Variants in ERC1 observed in about 807,000 individuals in gnomAD.
ERC1 encodes ELKS/RAB6-interacting/CAST family member 1, also known as RAB6 interacting protein 2.
A neutral mutation model predicts 132.0 loss-of-function variants in ERC1; 56 were observed. The observed-to-expected ratio is 0.42, with a 90% CI of 0.34 to 0.53. ERC1 has a LOEUF of 0.53. ERC1 is among the 20% of genes least tolerant of loss of function. The pLI is 0.03. For missense variants in ERC1, 1,202 were observed against 1,349.9 expected (o/e 0.89, Z 1.72); for synonymous variants, 478 against 476.1 (o/e 1.00, Z -0.05).
intron 12 of ERC1, among the ~76,000 whole-genome samples, chr12:1,197,826 G>A (rs1479008473): frequency 1.3e-5 from 2 of 152,212 alleles, no homozygotes; most frequent in Non-Finnish European, 2.9e-5. Flanking sequence ...ACATACCACA[G>A]AGGCTGGTCA....
intron 14 of ERC1, among the ~76,000 whole-genome samples, chr12:1,263,839 G>T (rs560653090): frequency 1.5e-4 from 23 of 152,112 alleles, no homozygotes; most frequent in Middle Eastern, 3.4e-3. Flanking sequence ...ACAGGTGCCT[G>T]CCAGCACGCC....
At chr12:1,409,162 G>A (rs2091695378) in intron 17 of ERC1, among the ~76,000 whole-genome samples, 1 of 152,234 alleles carries the variant, frequency 6.6e-6, no homozygotes, top group African/African-American at 2.4e-5. Flanking sequence ...AGATTCGGAA[G>A]GTATAGTCCT....
At chr12:1,304,992 G>A (rs111804105) in intron 15 of ERC1, among the ~76,000 whole-genome samples, 2,884 of 151,588 alleles carry the variant, frequency 0.019, 91 homozygotes, top group African/African-American at 0.067. Flanking sequence ...GTTTCACCGT[G>A]TTGGCCAGGA....
intron 15 of ERC1, among the ~76,000 whole-genome samples, chr12:1,313,107 C>T (rs1020755256): frequency 1.3e-5 from 2 of 152,100 alleles, no homozygotes; most frequent in African/African-American, 4.8e-5. Flanking sequence ...GTTCTGGGCT[C>T]TTTCTTTTCC....
At position 1,351,697 on chromosome 12, in the gene ERC1, C is replaced by T. The variant is rs150692616; in HGVS notation, c.2781-20136C>T. On this transcript the variant is annotated intron_variant, in intron 15 of 18. Coordinates refer to ENST00000360905, the MANE Select transcript of ERC1 (RefSeq NM_178040.4). ...TAATATTTTCAATTTTTAATTGATACAACATAATTGTACATATTTATGGGG... is the reference window on the plus strand; with the variant it reads ...TAATATTTTCAATTTTTAATTGATATAACATAATTGTACATATTTATGGGG... Among the ~76,000 whole-genome samples the T allele has an allele frequency of 6.8e-3, 1,041 of 152,002 alleles. 5 individuals are homozygous for T. Among genetic ancestry groups the T allele is most frequent in the African/African-American group, 0.022 (904 of 41,442 alleles).
chr12:1,051,874 C>T (rs28391313), intron 2 of ERC1, among the ~76,000 whole-genome samples: 48 of 59,594 alleles, frequency 8.1e-4, no homozygotes, highest in Admixed American at 3.8e-3. Flanking sequence ...TGATGAATAG[C>T]GTGAATTAAT....
chr12:1,063,023 C>T (rs140013684), intron 2 of ERC1, among the ~76,000 whole-genome samples: 14 of 152,200 alleles, frequency 9.2e-5, no homozygotes, highest in East Asian at 1.9e-4. Flanking sequence ...CTCCTTCATG[C>T]GTCTGGTTTC....
intron 14 of ERC1, among the ~76,000 whole-genome samples, chr12:1,288,196 A>T (rs2079166143): frequency 6.6e-6 from 1 of 152,264 alleles, no homozygotes; most frequent in African/African-American, 2.4e-5. Context: ...ATAAAATGGA[A>T]TCAATGGTAT....
rs11613546 is a variant in ERC1 at position 1,480,847 on chromosome 12, C to T, written c.3214-9246C>T. 0.3 allele frequency: 211,487 copies of T among 701,480 alleles called. 33,186 individuals carry two copies. Among genetic ancestry groups the T allele is most frequent in the African/African-American group, 0.38 (21,441 of 57,132 alleles). 43.5% of individuals were successfully genotyped at this position (701,480 alleles called of 1,614,324 possible). A position where few individuals can be genotyped will look rare whatever the true frequency, so the allele number is the denominator to read the frequency against. On this transcript the variant is annotated intron_variant, in intron 18 of 18. Transcript: ENST00000360905. ...TCTTTCCCAACTTATCCACAGAATC[C>T]GTTGCATCCCAAAGCCATGGAAAAA...
At chr12:1,102,183 A>G (rs1182956346) in intron 3 of ERC1, among the ~76,000 whole-genome samples, 1 of 152,140 alleles carries the variant, frequency 6.6e-6, no homozygotes, top group African/African-American at 2.4e-5. Context: ...TGAACTGACA[A>G]TAACTATTAG....
intron 2 of ERC1, among the ~76,000 whole-genome samples, chr12:1,045,105 G>A (rs1267854179): frequency 6.6e-6 from 1 of 152,018 alleles, no homozygotes; most frequent in East Asian, 1.9e-4. Flanking sequence ...TCTTGAATGG[G>A]CAACATAGAA....
In ERC1 at chr12:1,492,894, G is replaced by A. The variant is rs565329936; in HGVS notation, c.*2664G>A. 1 of 229,488 alleles carries A rather than the reference G, an allele frequency of 4.4e-6. No homozygotes were observed. Among genetic ancestry groups the A allele is most frequent in the East Asian group, 6.2e-5 (1 of 16,144 alleles). 14.2% of individuals were successfully genotyped at this position (229,488 alleles called of 1,614,324 possible). On this transcript the variant is annotated 3_prime_UTR_variant, in exon 19 of 19. Coordinates refer to ENST00000360905, the MANE Select transcript of ERC1 (RefSeq NM_178040.4). The stretch of plus-strand genomic sequence containing the variant: ...GTCATTCCATGCCCCTCTCCTAGTG[G>A]TCATGGTTTCATATGGGCATACAAC...
At chr12:1,049,095 A>T (rs533002661) in intron 2 of ERC1, among the ~76,000 whole-genome samples, 4 of 152,312 alleles carry the variant, frequency 2.6e-5, no homozygotes, top group Admixed American at 2.0e-4. Context: ...TTGGTTTTTT[A>T]AAAAAACCTG....
At chr12:1,066,492 C>T (rs1199049901) in intron 2 of ERC1, among the ~76,000 whole-genome samples, 1 of 152,120 alleles carries the variant, frequency 6.6e-6, no homozygotes, top group African/African-American at 2.4e-5. Context: ...ATGTTGAGAG[C>T]GTCTTAAGTC....
intron 1 of ERC1, among the ~76,000 whole-genome samples, chr12:1,014,360 G>C (rs1592699214): frequency 6.6e-6 from 1 of 151,978 alleles, no homozygotes; most frequent in African/African-American, 2.4e-5. Flanking sequence ...ATTTTTGGTA[G>C]AGACGGGGTT....
At position 1,142,804 on chromosome 12, in the gene ERC1, G is replaced by A. The variant is rs569764302; in HGVS notation, c.1737+1017G>A. 3.3e-5 allele frequency among the ~76,000 whole-genome samples: 5 copies of A among 152,226 alleles called. No homozygotes were observed. In the South Asian group the frequency reaches 1.0e-3, roughly 32 times the overall value. On this transcript the variant is annotated intron_variant, in intron 8 of 18. Transcript: ENST00000360905. ...TATGCTTTACCCATTTTTGTTTTGAGTTCTTTCCTGCTTTTTTAAAAGTTG... is the reference window on the plus strand; with the variant it reads ...TATGCTTTACCCATTTTTGTTTTGAATTCTTTCCTGCTTTTTTAAAAGTTG...
intron 17 of ERC1, among the ~76,000 whole-genome samples, chr12:1,418,335 T>A (rs2092225056): frequency 6.6e-6 from 1 of 152,182 alleles, no homozygotes; most frequent in Admixed American, 6.5e-5. Flanking sequence ...TTTTCTGACC[T>A]GCCTCTAAAG....
At position 1,062,653 on chromosome 12, in the gene ERC1, C is replaced by T. The variant is rs555507063; in HGVS notation, c.670-20511C>T. On this transcript the variant is annotated intron_variant, in intron 2 of 18. Coordinates refer to ENST00000360905, the MANE Select transcript of ERC1 (RefSeq NM_178040.4). ...ATATGGTTTATCCTAGAGAATGTTC[C>T]ATGTGCTGATGAGGAGAATGTATAT... Among the ~76,000 whole-genome samples the T allele has an allele frequency of 3.9e-5, 6 of 152,244 alleles. No homozygotes were observed. The South Asian group carries it at 1.0e-3, about 26-fold the overall frequency.
chr12:1,341,912 C>G (rs2083936945), intron 15 of ERC1, among the ~76,000 whole-genome samples: 1 of 152,114 alleles, frequency 6.6e-6, no homozygotes, highest in Admixed American at 6.5e-5. Context: ...ATATTCAAAA[C>G]TTCGTTTGAA....
Sources: allele counts gnomAD v4.1 joint callset (sites outside exome capture counted in the v4.1 genomes callset), GRCh38; gene constraint gnomAD v4.1.1; transcripts MANE v1.5; gene names NCBI Gene and HGNC (gene_info 2026-07-23, HGNC 2026-07-21).